The following SPIDR variants were observed in gnomAD, a reference collection of about 807,000 sequenced individuals.
SPIDR encodes the protein DNA repair-scaffolding protein.
In SPIDR, 93 loss-of-function variants were observed where a neutral mutation model predicts 104.6. The observed-to-expected ratio is 0.89, with a 90% CI of 0.75 to 1.06. SPIDR has a LOEUF of 1.06. SPIDR is among the 50% of genes least tolerant of loss of function. The probability of loss-of-function intolerance (pLI) is 0.00; values close to 1 mark genes in which losing one functional copy is unlikely to be tolerated. For synonymous variants in SPIDR, 431 were observed against 416.9 expected, an observed-to-expected ratio of 1.03 and a Z score of -0.41; for missense variants, 1,154 against 1,111.2, an observed-to-expected ratio of 1.04 and a Z score of -0.55.
chr8:47,575,639 T>A (rs1587957034), intron 8 of SPIDR, among the ~76,000 whole-genome samples: 1 of 102,122 alleles, frequency 9.8e-6, no homozygotes, highest in African/African-American at 3.9e-5. Context: ...AGAGAGAGAC[T>A]CCGTCTCAAA....
At chr8:47,343,324 A>T (rs1298375100) in intron 5 of SPIDR, among the ~76,000 whole-genome samples, 1 of 152,128 alleles carries the variant, frequency 6.6e-6, no homozygotes, top group Non-Finnish European at 1.5e-5. Context: ...TCTTTAGGTT[A>T]ATATTTCTCA....
chr8:47,524,042 G>A (rs531866987), intron 8 of SPIDR, among the ~76,000 whole-genome samples: 4 of 152,316 alleles, frequency 2.6e-5, no homozygotes, highest in Admixed American at 2.6e-4. Context: ...AGTTATTTTA[G>A]AGATGAATTA....
rs374494194 is a variant in SPIDR, at chr8:47,713,587, A to G, written c.2287A>G (p.Met763Val). ...TTCCTGTGAGCTGCCTGGCCCGGTG[A>G]TGCTCGACAGCCTGGACTCTGCAAC... is the stretch of plus-strand genomic sequence containing the variant. ...ASSCELPGPV[M>V]LDSLDSATPV... The change falls in exon 16 of 20, where the codon ATG becomes GTG. Residue 763 changes from methionine to valine, a missense_variant. Transcript: ENST00000297423. 1 of 1,614,168 alleles carries G rather than the reference A, an allele frequency of 6.2e-7. No individual in the cohort carries two copies. Among genetic ancestry groups the G allele is most frequent in the Non-Finnish European group, 8.5e-7 (1 of 1,180,044 alleles).
At chr8:47,735,260 A>G in intron 19 of SPIDR, 47 bp from the exon 20 acceptor site, 3 of 1,587,818 alleles carry the variant, frequency 1.9e-6, no homozygotes, top group South Asian at 1.1e-5. Flanking sequence ...TGGGAACAGT[A>G]CGTCCCAGGC....
At chr8:47,358,278 G>A (rs1554627180) in intron 5 of SPIDR, among the ~76,000 whole-genome samples, 1 of 152,040 alleles carries the variant, frequency 6.6e-6, no homozygotes, top group African/African-American at 2.4e-5. Flanking sequence ...TATAGAGATA[G>A]AGTTTCACTA....
intron 7 of SPIDR, among the ~76,000 whole-genome samples, chr8:47,408,978 G>A (rs2063132771): frequency 6.6e-6 from 1 of 152,114 alleles, no homozygotes; most frequent in Non-Finnish European, 1.5e-5. Flanking sequence ...ATGAGGTCAA[G>A]AGATCGAGAC....
At chr8:47,559,200 GA>G (rs1179089417) in intron 8 of SPIDR, among the ~76,000 whole-genome samples, 3 of 152,186 alleles carry the variant, frequency 2.0e-5, no homozygotes, top group Non-Finnish European at 4.4e-5. Context: ...TAGTTATACA[GA>G]GGTTAAAAAA....
intron 8 of SPIDR, among the ~76,000 whole-genome samples, chr8:47,560,970 G>A (rs984836534): frequency 6.6e-6 from 1 of 152,176 alleles, no homozygotes; most frequent in South Asian, 2.1e-4. Context: ...TAAAGCAGAG[G>A]TAGTTCACAC....
Position 47,705,079 on chromosome 8 carries a change from A to AC in SPIDR, c.1977+3065dup, listed in dbSNP as rs140070941. Among the ~76,000 whole-genome samples the AC allele has an allele frequency of 6.1e-3, 933 of 152,078 alleles. 11 individuals are homozygous for AC. The highest frequency in any genetic ancestry group is 0.019 in the African/African-American group (807 of 41,470). On this transcript the variant is annotated intron_variant, in intron 14 of 19. Coordinates refer to ENST00000297423, the MANE Select transcript of SPIDR (RefSeq NM_001080394.4). Reference sequence around the variant, plus strand: ...CAGCCACGTGGCAGTTGCAGCTAACACTCCTGCCCACGGCCCTCTGGCTGA... The same window carrying AC: ...CAGCCACGTGGCAGTTGCAGCTAACACCTCCTGCCCACGGCCCTCTGGCTGA...
At chr8:47,291,907 G>C (rs1234674710) in intron 4 of SPIDR, among the ~76,000 whole-genome samples, 1 of 152,140 alleles carries the variant, frequency 6.6e-6, no homozygotes, top group African/African-American at 2.4e-5. Flanking sequence ...TCTCATCCTT[G>C]ACACTCTTGA....
intron 8 of SPIDR, among the ~76,000 whole-genome samples, chr8:47,455,047 T>A (rs1431770319): frequency 6.6e-6 from 1 of 151,762 alleles, no homozygotes; most frequent in African/African-American, 2.4e-5. Flanking sequence ...AAGAAAAAAA[T>A]AAAGAGTATT....
chr8:47,626,246 A>G (rs1171427675), intron 10 of SPIDR, among the ~76,000 whole-genome samples: 1 of 152,230 alleles, frequency 6.6e-6, no homozygotes, highest in Non-Finnish European at 1.5e-5. Flanking sequence ...TTCAAGATGG[A>G]TTAAAGACTT....
chr8:47,674,706 G>T (rs2076206272), intron 11 of SPIDR, among the ~76,000 whole-genome samples: 2 of 152,186 alleles, frequency 1.3e-5, no homozygotes, highest in Admixed American at 1.3e-4. Flanking sequence ...ATGATATTCT[G>T]CTTTTGGAAC....
chr8:47,658,029 CAAAAAAAAAA>C (rs34648437), intron 10 of SPIDR, among the ~76,000 whole-genome samples: 6 of 76,046 alleles, frequency 7.9e-5, no homozygotes, highest in Middle Eastern at 0.01. Flanking sequence ...GACCCTGTCT[CAAAAAAAAAA>C]AAAAAAAAAA....
intron 8 of SPIDR, among the ~76,000 whole-genome samples, chr8:47,453,633 G>C (rs987777146): frequency 6.6e-6 from 1 of 152,146 alleles, no homozygotes; most frequent in South Asian, 2.1e-4. Flanking sequence ...AATAAATGGT[G>C]CTGGAAAAAC....
At chr8:47,330,279 C>T (rs2048434892) in intron 5 of SPIDR, among the ~76,000 whole-genome samples, 1 of 152,024 alleles carries the variant, frequency 6.6e-6, no homozygotes, top group African/African-American at 2.4e-5. Flanking sequence ...CCCTCCCCCA[C>T]ATATGCATAG....
chr8:47,322,145 T>A (rs566470100), intron 5 of SPIDR, among the ~76,000 whole-genome samples: 12 of 152,280 alleles, frequency 7.9e-5, no homozygotes, highest in Admixed American at 2.0e-4. Context: ...AACTACCATC[T>A]GAGTGAACAG....
At chr8:47,477,407 G>A (rs1586372509) in intron 8 of SPIDR, among the ~76,000 whole-genome samples, 1 of 152,184 alleles carries the variant, frequency 6.6e-6, no homozygotes, top group South Asian at 2.1e-4. Flanking sequence ...TGTTGCCCAG[G>A]CTGGTCTTGA....
intron 8 of SPIDR, among the ~76,000 whole-genome samples, chr8:47,489,437 T>C (rs1207715915): frequency 1.2e-4 from 18 of 152,160 alleles, no homozygotes; most frequent in Admixed American, 1.0e-3. Flanking sequence ...CCAAGGTAAT[T>C]TATAGATTCA....
Sources: allele counts gnomAD v4.1 joint callset (sites outside exome capture counted in the v4.1 genomes callset), GRCh38; gene constraint gnomAD v4.1.1; transcripts MANE v1.5; gene names NCBI Gene and HGNC (gene_info 2026-07-23, HGNC 2026-07-21).